The following CRMP1 variants were observed in gnomAD, a reference collection of about 807,000 sequenced individuals.
CRMP1 encodes dihydropyrimidinase-related protein 1.
Under a neutral mutation model 68.3 loss-of-function variants are expected in CRMP1, and 19 were observed. The ratio of observed to expected loss-of-function variants is 0.28; its 90% CI spans 0.19 to 0.41. The LOEUF is 0.41. Among genes scored for constraint, CRMP1 ranks in the 10% least tolerant of loss-of-function variants. CRMP1 has a pLI of 1.00. For missense variants in CRMP1, 791 were observed against 967.4 expected (o/e 0.82, Z 2.42); for synonymous variants, 439 against 399.6 (o/e 1.10, Z -1.18).
At chr4:5,849,156 C>G (rs1419044191) in intron 6 of CRMP1, among the ~76,000 whole-genome samples, 1 of 152,188 alleles carries the variant, frequency 6.6e-6, no homozygotes, top group African/African-American at 2.4e-5. Context: ...TTCCATGATG[C>G]CCACTCCCAA....
In CRMP1 at chr4:5,834,776, G is replaced by A. The variant is rs773566461; in HGVS notation, c.1623+1139C>T. ...GCGTGGCATAAACCTTTCTCCATGG[G>A]AAGATGATCTCAGGCACCCCGTTCC... On this transcript the variant is annotated intron_variant, in intron 11 of 13. Coordinates refer to ENST00000324989, the MANE Select transcript of CRMP1 (RefSeq NM_001014809.3). This position sits in a 1 kb window ranked among gnomAD's most constrained non-coding sequence, Gnocchi z 4.3. 6.6e-6 allele frequency among the ~76,000 whole-genome samples: 1 copy of A among 152,186 alleles called. No individual in the cohort carries two copies. Among genetic ancestry groups the A allele is most frequent in the Non-Finnish European group, 1.5e-5 (1 of 68,044 alleles).
rs1317707610 is a variant in CRMP1 at position 5,840,392 on chromosome 4, A to G, written c.1154-714T>C. Reference sequence around the variant, plus strand: ...CGGGCTCCCCAGGAAAGATCTTTGCATTAGAGACCAAGGGCAAGAGATGTG... The same window carrying G: ...CGGGCTCCCCAGGAAAGATCTTTGCGTTAGAGACCAAGGGCAAGAGATGTG... On this transcript the variant is annotated intron_variant, in intron 8 of 13. Transcript: ENST00000324989. Among the ~76,000 whole-genome samples the G allele has an allele frequency of 2.0e-5, 3 of 152,328 alleles. No individual in the cohort carries two copies. In the East Asian group the frequency reaches 5.8e-4, roughly 30 times the overall value.
rs1718438476 is a variant in CRMP1, at chr4:5,820,979, C to CA, written c.*780_*781insT. On this transcript the variant is annotated 3_prime_UTR_variant, in exon 14 of 14. Coordinates refer to ENST00000324989, the MANE Select transcript of CRMP1 (RefSeq NM_001014809.3). ...CCACGCAGGGGCAGCCATCAGCCCC[C>CA]CATCGTCAGCCCCGAATGGGGATGG... 6.6e-6 allele frequency: 1 copy of CA among 152,274 alleles called. No individual in the cohort carries two copies. The highest frequency in any genetic ancestry group is 1.5e-5 in the Non-Finnish European group (1 of 68,066). The allele number at this position is 152,274 out of a possible 1,614,324, so 9.4% of individuals were successfully genotyped here. A position where few individuals can be genotyped will look rare whatever the true frequency, so the allele number is the denominator to read the frequency against.
At position 5,828,706 on chromosome 4, in the gene CRMP1, C is replaced by T. The variant is rs748149726; in HGVS notation, c.1624-38G>A. Reference sequence around the variant, plus strand: ...CCTCAGTGTTACTTCCCAGGATTTGCTCTGCCCCAAACGAGCTGTTCATAA... The same window carrying T: ...CCTCAGTGTTACTTCCCAGGATTTGTTCTGCCCCAAACGAGCTGTTCATAA... On this transcript the variant is annotated intron_variant, in intron 11 of 13. Coordinates refer to ENST00000324989, the MANE Select transcript of CRMP1 (RefSeq NM_001014809.3). 4 of 1,604,216 alleles carry T rather than the reference C, an allele frequency of 2.5e-6. No individual in the cohort carries two copies. The South Asian group carries it at 4.4e-5, about 18-fold the overall frequency.
intron 1 of CRMP1, among the ~76,000 whole-genome samples, chr4:5,884,982 A>AT (rs1041464308): frequency 2.1e-4 from 21 of 99,052 alleles, no homozygotes; most frequent in Admixed American, 7.5e-4. Flanking sequence ...TGTGCCATTC[A>AT]TTAAAAAAAA....
intron 11 of CRMP1, among the ~76,000 whole-genome samples, chr4:5,831,557 A>G (rs1256945784): frequency 6.6e-6 from 1 of 152,174 alleles, no homozygotes; most frequent in Non-Finnish European, 1.5e-5. Flanking sequence ...GCCGAGGGAC[A>G]CATGGATTGT....
intron 9 of CRMP1, 93 bp from the exon 10 acceptor site, chr4:5,836,999 A>C (rs1368080671): frequency 1.1e-5 from 16 of 1,391,860 alleles, no homozygotes; most frequent in Non-Finnish European, 1.5e-5. Context: ...CAGCCAGTGA[A>C]TGAATGAATA....
At chr4:5,887,019 G>A (rs879756763) in intron 1 of CRMP1, among the ~76,000 whole-genome samples, 1 of 152,180 alleles carries the variant, frequency 6.6e-6, no homozygotes, top group Non-Finnish European at 1.5e-5. Context: ...GAGCTGGGGC[G>A]GATGCAGGAC....
At chr4:5,828,697 CAG>C (rs752492686) in intron 11 of CRMP1, 29 bp from the exon 12 acceptor site, 1 of 1,606,994 alleles carries the variant, frequency 6.2e-7, no homozygotes, top group Non-Finnish European at 8.5e-7. Flanking sequence ...TGTTACTTCC[CAG>C]GATTTGCTCT....
intron 12 of CRMP1, among the ~76,000 whole-genome samples, chr4:5,827,627 C>T (rs1435103476): frequency 6.6e-6 from 1 of 152,118 alleles, no homozygotes; most frequent in Non-Finnish European, 1.5e-5. Context: ...CGCGCACACA[C>T]ACACACTCCA....
In CRMP1 at chr4:5,821,749, C is replaced by A; in HGVS notation, c.*11G>T. On this transcript the variant is annotated 3_prime_UTR_variant, in exon 14 of 14. Transcript: ENST00000324989. The surrounding 1 kb of genome is among the most constrained non-coding windows in gnomAD (Gnocchi z 4.4). ...AGAATCCTTCAGGCTAGCTCCTCCGCGCATCCACGTTCAACCGAGGCTGGT... is the reference window on the plus strand; with the variant it reads ...AGAATCCTTCAGGCTAGCTCCTCCGAGCATCCACGTTCAACCGAGGCTGGT... 6.2e-7 allele frequency: 1 copy of A among 1,601,982 alleles called. No homozygotes were observed. Among genetic ancestry groups the A allele is most frequent in the Non-Finnish European group, 8.5e-7 (1 of 1,173,210 alleles).
At chr4:5,839,247 T>TAC (rs899913136) in intron 9 of CRMP1, among the ~76,000 whole-genome samples, 1 of 152,200 alleles carries the variant, frequency 6.6e-6, no homozygotes, top group African/African-American at 2.4e-5. Flanking sequence ...TGCTTCCCGA[T>TAC]ACACCATGGT....
intron 1 of CRMP1, among the ~76,000 whole-genome samples, chr4:5,871,142 G>C (rs1714408698): frequency 1.3e-5 from 2 of 152,162 alleles, no homozygotes; most frequent in South Asian, 4.1e-4. Context: ...GGGCGCCCAG[G>C]CTCCAAGCCC....
intron 6 of CRMP1, among the ~76,000 whole-genome samples, chr4:5,847,552 G>A (rs189971071): frequency 6.6e-6 from 1 of 152,314 alleles, no homozygotes; most frequent in East Asian, 1.9e-4. Context: ...CTTGCATGAT[G>A]GAACTAAGGC....
At chr4:5,869,681 CAAAAAAAAAA>C (rs33973891) in intron 1 of CRMP1, among the ~76,000 whole-genome samples, 2 of 92,932 alleles carry the variant, frequency 2.2e-5, no homozygotes, top group African/African-American at 4.3e-5. Flanking sequence ...AAGACTCCGT[CAAAAAAAAAA>C]AAAAAAAAAA....
Position 5,858,121 on chromosome 4 carries a change from CTTAAACT to C in CRMP1, c.656-1821_656-1815del, listed in dbSNP as rs1207893832. ...GGCACAGAGAGTCCCTCCCTCCTTC[CTTAAACT>C]CGCTTCTCTCCAGCTTCCATGGCAA... is the stretch of plus-strand genomic sequence containing the variant. On this transcript the variant is annotated intron_variant, in intron 3 of 13. Transcript: ENST00000324989. The surrounding 1 kb of genome is among the most constrained non-coding windows in gnomAD (Gnocchi z 5.5). 6.6e-6 allele frequency among the ~76,000 whole-genome samples: 1 copy of C among 152,178 alleles called. No individual in the cohort carries two copies. The highest frequency in any genetic ancestry group is 1.5e-5 in the Non-Finnish European group (1 of 68,034).
chr4:5,867,607 GCT>G (rs1714089684), intron 1 of CRMP1, among the ~76,000 whole-genome samples: 1 of 152,106 alleles, frequency 6.6e-6, no homozygotes, highest in Admixed American at 6.6e-5. Context: ...ACCGACTGAT[GCT>G]CTCAGCTCCA....
chr4:5,834,455 C>A lies in CRMP1; in HGVS notation c.1623+1460G>T, dbSNP rs1453207932. 3.9e-5 allele frequency among the ~76,000 whole-genome samples: 6 copies of A among 152,236 alleles called. No individual in the cohort carries two copies. The highest frequency in any genetic ancestry group is 1.2e-4 in the African/African-American group (5 of 41,466). On this transcript the variant is annotated intron_variant, in intron 11 of 13. Transcript: ENST00000324989. This position sits in a 1 kb window ranked among gnomAD's most constrained non-coding sequence, Gnocchi z 4.3. ...ACACTTGTCCTGTCTTATCCTTCTG[C>A]CCTCTGCCATGGGATAACTCAGCAA... is the stretch of plus-strand genomic sequence containing the variant.
At chr4:5,840,315 T>C (rs752411506) in intron 8 of CRMP1, among the ~76,000 whole-genome samples, 3 of 152,194 alleles carry the variant, frequency 2.0e-5, no homozygotes, top group Non-Finnish European at 4.4e-5. Flanking sequence ...TGCTTGTCTT[T>C]CAAGGAGTCG....
Sources: gnomAD v4.1 joint callset for allele counts (sites outside exome capture counted in the v4.1 genomes callset) on GRCh38, gnomAD v4.1.1 for gene constraint, Gnocchi (gnomAD v3.1) non-coding constraint, MANE v1.5 for transcripts, NCBI Gene and HGNC (gene_info 2026-07-23, HGNC 2026-07-21) for gene names.